Variants in VWA5B1 observed in about 807,000 individuals in gnomAD.
VWA5B1 encodes von Willebrand factor A domain-containing protein 5B1.
In VWA5B1, 115 loss-of-function variants were observed where a neutral mutation model predicts 118.2. The ratio of observed to expected loss-of-function variants is 0.97; its 90% confidence interval spans 0.84 to 1.14. The LOEUF (loss-of-function observed/expected upper bound fraction) is 1.14. VWA5B1 is among the 50% of genes most tolerant of loss of function. The pLI, the probability that VWA5B1 is intolerant of heterozygous loss-of-function variation, is 0.00. For synonymous variants in VWA5B1, 682 were observed against 658.4 expected (o/e 1.04, Z -0.55); for missense variants, 1,596 against 1,603.8 (o/e 1.00, Z 0.08).
chr1:20,315,937 C>T (rs548658182), intron 4 of VWA5B1, among the ~76,000 whole-genome samples: 1 of 148,186 alleles, frequency 6.7e-6, no homozygotes, highest in African/African-American at 2.4e-5. Context: ...CTAGCTAGGA[C>T]ATCCGGACCT....
chr1:20,330,523 T>TG, intron 10 of VWA5B1, 141 bp downstream of exon 10: 1 of 1,083,796 alleles, frequency 9.2e-7, no homozygotes, highest in Non-Finnish European at 1.3e-6. Flanking sequence ...CAAGATAGTG[T>TG]GGGCTGATTT....
chr1:20,323,892 G>T (rs1209293719), intron 8 of VWA5B1, among the ~76,000 whole-genome samples: 1 of 152,208 alleles, frequency 6.6e-6, no homozygotes, highest in Non-Finnish European at 1.5e-5. Context: ...GCCACTTAAC[G>T]TGAAGCTTGG....
chr1:20,313,909 GA>G (rs2088922711), intron 3 of VWA5B1, among the ~76,000 whole-genome samples: 1 of 152,192 alleles, frequency 6.6e-6, no homozygotes, highest in African/African-American at 2.4e-5. Context: ...GGTGTTCACG[GA>G]GGGGTTGTGT....
In VWA5B1 at chr1:20,330,951, C is replaced by T. The variant is rs377192508; in HGVS notation, c.1540C>T (p.Leu514Phe). Residue 514 changes from leucine to phenylalanine, a missense_variant, in exon 11 of 22, where the codon CTC becomes TTC. Physicochemically the swap from Leu to Phe is conservative, Grantham distance 22 (BLOSUM62 0). Coordinates refer to ENST00000289815, the MANE Select transcript of VWA5B1 (RefSeq NM_001039500.3). ...LASVSEGSAE[L>F]LMEGERLQPK... The stretch of plus-strand genomic sequence containing the variant: ...ATCTGTGTCCGAGGGCAGTGCTGAG[C>T]TCCTGATGGAGGGGGAGCGGCTGCA... The T allele has an allele frequency of 6.4e-6, 10 of 1,550,956 alleles. No homozygotes were observed. In the African/African-American group the frequency reaches 1.1e-4, roughly 17 times the overall value.
chr1:20,348,718 A>G (rs1338887504), intron 18 of VWA5B1, among the ~76,000 whole-genome samples: 6 of 152,224 alleles, frequency 3.9e-5, no homozygotes, highest in African/African-American at 4.8e-5. Flanking sequence ...TAAACAAGGG[A>G]AAAAGCGAAG....
At chr1:20,335,790 G>A (rs1036144856) in intron 12 of VWA5B1, among the ~76,000 whole-genome samples, 1 of 152,216 alleles carries the variant, frequency 6.6e-6, no homozygotes, top group South Asian at 2.1e-4. Context: ...GAGTGGCGAA[G>A]GTGGAGGGGC....
At chr1:20,326,178 G>A (rs1046583175) in intron 8 of VWA5B1, among the ~76,000 whole-genome samples, 2 of 152,210 alleles carry the variant, frequency 1.3e-5, no homozygotes, top group African/African-American at 4.8e-5. Context: ...GCAATGAAGA[G>A]AGATTGAGAG....
In VWA5B1 at chr1:20,319,289, C is replaced by T. The variant is rs878924672; in HGVS notation, c.842-93C>T. On this transcript the variant is annotated intron_variant, in intron 6 of 21. Coordinates refer to ENST00000289815, the MANE Select transcript of VWA5B1 (RefSeq NM_001039500.3). ...ACCCCGCTTCCAAATGGGAGTCCCA[C>T]CCCTGTGAGAATCTTGCACCTAAAC... 53 of 1,502,240 alleles carry T rather than the reference C, an allele frequency of 3.5e-5. No homozygotes were observed. In the South Asian group the frequency reaches 5.2e-4, roughly 15 times the overall value. 93.1% of individuals were successfully genotyped at this position (1,502,240 alleles called of 1,614,324 possible). A position where few individuals can be genotyped will look rare whatever the true frequency, so the allele number is the denominator to read the frequency against.
intron 5 of VWA5B1, 136 bp from the exon 6 acceptor site, chr1:20,318,454 C>T: frequency 7.9e-7 from 1 of 1,273,440 alleles, no homozygotes; most frequent in African/African-American, 1.5e-5. Context: ...TGGCCATGGT[C>T]ACACTGCAGG....
At chr1:20,301,134 G>C (rs1305250217) in intron 1 of VWA5B1, among the ~76,000 whole-genome samples, 1 of 152,264 alleles carries the variant, frequency 6.6e-6, no homozygotes, top group African/African-American at 2.4e-5. Context: ...CATCTAGGCA[G>C]GGGGCCCTGG....
chr1:20,318,942 A>G (rs969872588), intron 6 of VWA5B1, among the ~76,000 whole-genome samples: 9 of 152,140 alleles, frequency 5.9e-5, no homozygotes, highest in Non-Finnish European at 1.2e-4. Context: ...CAAGCTCCAG[A>G]GGCCTAGGGT....
Position 20,357,740 on chromosome 1 carries a change from A to G in VWA5B1, c.*3477A>G, listed in dbSNP as rs1450740263. ...AGGTGGGTTTGTCTTCACTGGCCCT[A>G]GAATGGTCCTGCCATCTGTGGGTGT... On this transcript the variant is annotated 3_prime_UTR_variant, in exon 22 of 22. Transcript: ENST00000289815. 2.0e-5 allele frequency among the ~76,000 whole-genome samples: 3 copies of G among 152,194 alleles called. No individual in the cohort carries two copies. Among genetic ancestry groups the G allele is most frequent in the Non-Finnish European group, 2.9e-5 (2 of 68,028 alleles).
At chr1:20,305,035 T>A (rs1270484635) in intron 1 of VWA5B1, among the ~76,000 whole-genome samples, 1 of 151,868 alleles carries the variant, frequency 6.6e-6, no homozygotes, top group Admixed American at 6.6e-5. Flanking sequence ...GATACAGCAG[T>A]GAATAAACTA....
At chr1:20,342,700 T>A in intron 15 of VWA5B1, 91 bp downstream of exon 15, 1 of 1,391,124 alleles carries the variant, frequency 7.2e-7, no homozygotes, top group Non-Finnish European at 9.5e-7. Context: ...AGAGGGCAGA[T>A]GCCTGGGTCT....
chr1:20,336,451 C>G lies in VWA5B1; in HGVS notation c.1907C>G (p.Ala636Gly). ...TTCATCCTAGGGCAGGCCAAAAATG[C>G]CCGGCTAGCCAGCGGAGACTCTACC... ...APFILGQAKN[A>G]RLASGDSTTK... Residue 636 changes from alanine (A) to glycine (G), a missense_variant, in exon 13 of 22, where the codon GCC (alanine) becomes GGC (glycine). Ala to Gly is a moderately conservative substitution (Grantham distance 60, BLOSUM62 0). Coordinates refer to ENST00000289815, the MANE Select transcript of VWA5B1 (RefSeq NM_001039500.3). The G allele has an allele frequency of 6.8e-7, 1 of 1,477,342 alleles. No individual in the cohort carries two copies. Among genetic ancestry groups the G allele is most frequent in the Non-Finnish European group, 9.0e-7 (1 of 1,107,144 alleles). The allele number at this position is 1,477,342 out of a possible 1,614,324, so 91.5% of individuals were successfully genotyped here. A position where few individuals can be genotyped will look rare whatever the true frequency, so the allele number is the denominator to read the frequency against.
intron 1 of VWA5B1, among the ~76,000 whole-genome samples, chr1:20,291,789 A>G (rs1220486304): frequency 6.6e-6 from 1 of 152,122 alleles, no homozygotes; most frequent in Non-Finnish European, 1.5e-5. Flanking sequence ...GGGGAAGGAG[A>G]AAAGGTCCTC....
intron 1 of VWA5B1, among the ~76,000 whole-genome samples, chr1:20,296,109 C>T (rs867938480): frequency 5.9e-5 from 9 of 152,276 alleles, no homozygotes; most frequent in African/African-American, 1.9e-4. Context: ...GTGATCCGCC[C>T]ACCTCAGCCT....
intron 8 of VWA5B1, among the ~76,000 whole-genome samples, chr1:20,324,394 A>G (rs1043439439): frequency 6.6e-6 from 1 of 152,022 alleles, no homozygotes; most frequent in African/African-American, 2.4e-5. Flanking sequence ...CCAGGAGATT[A>G]CTGGTCTCCA....
chr1:20,307,621 A>C (rs1216960443), intron 1 of VWA5B1, among the ~76,000 whole-genome samples: 1 of 151,230 alleles, frequency 6.6e-6, no homozygotes, highest in Non-Finnish European at 1.5e-5. Context: ...CCACTCCCAC[A>C]TTTCCTCTGC....
Sources: gnomAD v4.1 joint callset for allele counts (sites outside exome capture counted in the v4.1 genomes callset) on GRCh38, gnomAD v4.1.1 for gene constraint, MANE v1.5 for transcripts, NCBI Gene and HGNC (gene_info 2026-07-23, HGNC 2026-07-21) for gene names.